ERC2: variants seen among roughly 807,000 people sequenced by gnomAD.
The protein encoded by ERC2 is ELKS/RAB6-interacting/CAST family member 2.
ERC2 carries 42 observed loss-of-function variants against 114.8 expected under a neutral mutation model. The observed-to-expected ratio is 0.37, with a 90% CI of 0.29 to 0.47. The LOEUF is 0.47. ERC2 is among the 20% of genes least tolerant of loss of function. The pLI is 0.99. For synonymous variants in ERC2, 454 were observed against 425.5 expected (o/e 1.07, Z -0.82); for missense variants, 939 against 1,150.7 (o/e 0.82, Z 2.66).
intron 12 of ERC2, among the ~76,000 whole-genome samples, chr3:55,974,854 C>T (rs2069458937): frequency 6.6e-6 from 1 of 152,214 alleles, no homozygotes; most frequent in African/African-American, 2.4e-5. Context: ...CAAACAGCTT[C>T]TCAACTTCCA....
At chr3:56,467,260 T>C (rs1415146617) in intron 1 of ERC2, 1 of 152,134 alleles carries the variant, frequency 6.6e-6, no homozygotes, top group African/African-American at 2.4e-5. Context: ...GTTCCACCGG[T>C]CCCCATTCTA....
intron 16 of ERC2, among the ~76,000 whole-genome samples, chr3:55,698,278 C>G (rs1016690096): frequency 6.6e-6 from 1 of 151,968 alleles, no homozygotes; most frequent in African/African-American, 2.4e-5. Flanking sequence ...TGCTGGCTGC[C>G]TCACTGCACA....
intron 2 of ERC2, among the ~76,000 whole-genome samples, chr3:56,408,197 A>T (rs9822993): frequency 0.35 from 52,479 of 152,048 alleles, 9,333 homozygotes; most frequent in Admixed American, 0.47. Flanking sequence ...GCACTTCATA[A>T]TAGTAAAGAC....
intron 7 of ERC2, among the ~76,000 whole-genome samples, chr3:56,029,920 A>G (rs571297035): frequency 2.0e-5 from 3 of 152,130 alleles, no homozygotes; most frequent in African/African-American, 7.2e-5. Context: ...TATTCATTCA[A>G]GATCTTTCTT....
At chr3:56,209,541 T>A (rs2048935830) in intron 3 of ERC2, among the ~76,000 whole-genome samples, 1 of 152,216 alleles carries the variant, frequency 6.6e-6, no homozygotes, top group South Asian at 2.1e-4. Flanking sequence ...CCCAGCACAC[T>A]GAGGCACATA....
chr3:56,313,017 T>C (rs1254726160), intron 2 of ERC2, among the ~76,000 whole-genome samples: 1 of 123,320 alleles, frequency 8.1e-6, no homozygotes, highest in African/African-American at 2.8e-5. Context: ...TATATATATA[T>C]ATATATATAT....
intron 17 of ERC2, among the ~76,000 whole-genome samples, chr3:55,518,593 A>C (rs1466859013): frequency 6.6e-6 from 1 of 152,248 alleles, no homozygotes; most frequent in Non-Finnish European, 1.5e-5. Context: ...CTTGTTAAAA[A>C]TTTGTTAAAC....
chr3:55,991,918 A>C (rs990366834), intron 11 of ERC2, 139 bp downstream of exon 11: 2 of 708,582 alleles, frequency 2.8e-6, no homozygotes, highest in Admixed American at 2.9e-5. Flanking sequence ...GTCATCTTTC[A>C]CAGGCCATAT....
chr3:56,166,417 T>C (rs995469496), intron 4 of ERC2, among the ~76,000 whole-genome samples: 14 of 152,070 alleles, frequency 9.2e-5, no homozygotes, highest in Non-Finnish European at 2.1e-4. Context: ...CTTTTTCTAT[T>C]CTAGAAGAGT....
intron 2 of ERC2, among the ~76,000 whole-genome samples, chr3:56,319,311 A>G (rs1162239937): frequency 6.7e-6 from 1 of 148,532 alleles, no homozygotes; most frequent in Non-Finnish European, 1.5e-5. Context: ...TTCAGCCTTA[A>G]AAAAAAAAAA....
At position 55,808,701 on chromosome 3, in the gene ERC2, TTATATATATATATATATATATATA is replaced by T. The variant is rs377604698; in HGVS notation, c.2565-73807_2565-73784del. ...AATAATATATTATTATACCATAATT[TTATATATATATATATATATATATA>T]TATATATATATATATATAACGTATA... On this transcript the variant is annotated intron_variant, in intron 14 of 17. Coordinates refer to ENST00000288221, the MANE Select transcript of ERC2 (RefSeq NM_015576.3). Among the ~76,000 whole-genome samples, 439 of 61,742 alleles carry T rather than the reference TTATATATATATATATATATATATA, an allele frequency of 7.1e-3. 4 individuals carry two copies. The highest frequency in any genetic ancestry group is 0.012 in the South Asian group (15 of 1,206). 40.5% of individuals were successfully genotyped at this position (61,742 alleles called of 152,430 possible). A position where few individuals can be genotyped will look rare whatever the true frequency, so the allele number is the denominator to read the frequency against.
intron 14 of ERC2, among the ~76,000 whole-genome samples, chr3:55,814,928 G>A (rs2149136062): frequency 6.6e-6 from 1 of 152,212 alleles, no homozygotes; most frequent in South Asian, 2.1e-4. Context: ...TTAAGTCTAT[G>A]GTCTAGACAA....
At chr3:55,696,148 T>C (rs1406168252) in intron 16 of ERC2, among the ~76,000 whole-genome samples, 1 of 152,090 alleles carries the variant, frequency 6.6e-6, no homozygotes, top group Non-Finnish European at 1.5e-5. Context: ...ATGGAAGAAA[T>C]GGAAAAAGAA....
rs111473591 is a variant in ERC2 at position 56,138,777 on chromosome 3, T to G, written c.1473+732A>C. Among the ~76,000 whole-genome samples the G allele has an allele frequency of 9.2e-3, 1,397 of 152,336 alleles. 27 individuals are homozygous for G. The highest frequency in any genetic ancestry group is 0.032 in the African/African-American group (1,330 of 41,564). ...ATTGCCTGCTGCATTTGATAACTAT[T>G]TTATTTACACAATAACTAGCTTGTG... On this transcript the variant is annotated intron_variant, in intron 6 of 17. Transcript: ENST00000288221.
intron 14 of ERC2, among the ~76,000 whole-genome samples, chr3:55,854,374 G>A (rs987291639): frequency 2.6e-5 from 4 of 152,156 alleles, no homozygotes; most frequent in Non-Finnish European, 5.9e-5. Flanking sequence ...GTTTTGTTTT[G>A]TTTTGTTTTG....
At chr3:55,969,395 ACACACAC>A (rs1298351775) in intron 12 of ERC2, among the ~76,000 whole-genome samples, 1 of 8,144 alleles carries the variant, frequency 1.2e-4, no homozygotes, top group African/African-American at 1.3e-4. Context: ...ATACACATAC[ACACACAC>A]ACACACACAC....
intron 12 of ERC2, among the ~76,000 whole-genome samples, chr3:55,963,490 A>G (rs922003): frequency 0.27 from 40,902 of 152,140 alleles, 5,761 homozygotes; most frequent in Admixed American, 0.34. Context: ...GTCTGAGGAC[A>G]GAGCTTCAGG....
intron 17 of ERC2, among the ~76,000 whole-genome samples, chr3:55,621,144 G>T (rs2059308404): frequency 6.6e-6 from 1 of 151,538 alleles, no homozygotes; most frequent in African/African-American, 2.4e-5. Flanking sequence ...ACCCCGATTT[G>T]ACTCTAACTG....
At chr3:55,777,900 C>T (rs554809143) in intron 14 of ERC2, among the ~76,000 whole-genome samples, 211 of 152,022 alleles carry the variant, frequency 1.4e-3, no homozygotes, top group Non-Finnish European at 2.4e-3. Context: ...CTCAATGAGG[C>T]AATTCTAAAA....
Sources: allele counts gnomAD v4.1 joint callset (sites outside exome capture counted in the v4.1 genomes callset), GRCh38; gene constraint gnomAD v4.1.1; transcripts MANE v1.5; gene names NCBI Gene and HGNC (gene_info 2026-07-23, HGNC 2026-07-21).